Variants in TMEM231 observed in about 807,000 individuals in gnomAD.
The protein encoded by TMEM231 is transmembrane protein 231.
Under a neutral mutation model 38.5 loss-of-function variants are expected in TMEM231, and 40 were observed. The observed-to-expected ratio is 1.04, with a 90% CI of 0.81 to 1.35. The LOEUF is 1.35. TMEM231 is among the 40% of genes most tolerant of loss of function. The pLI is 0.00. For synonymous variants in TMEM231, 199 were observed against 181.7 expected (o/e 1.10, Z -0.77); for missense variants, 420 against 416.9 (o/e 1.01, Z -0.07).
intron 4 of TMEM231, 122 bp from the exon 5 acceptor site, chr16:75,542,805 A>G: frequency 1.4e-6 from 1 of 708,592 alleles, no homozygotes; most frequent in South Asian, 1.8e-5. Context: ...GGCCTACTGC[A>G]GTATCAATAA....
Position 75,541,354 on chromosome 16 carries a change from T to C in TMEM231, c.766A>G (p.Ile256Val), listed in dbSNP as rs1232323806. The C allele has an allele frequency of 6.2e-7, 1 of 1,605,782 alleles. No homozygotes were observed. Among genetic ancestry groups the C allele is most frequent in the East Asian group, 2.2e-5 (1 of 44,512 alleles). Reference protein sequence around the residue: ...NAIIRYPVEVISYQPGFWEMV... With the variant: ...NAIIRYPVEVVSYQPGFWEMV... Reference sequence around the variant, plus strand: ...ACTCTTTAACAGAAAGGATATGAAATGACTTCCACAGGGTATCGGATGATA... The same window carrying C: ...ACTCTTTAACAGAAAGGATATGAAACGACTTCCACAGGGTATCGGATGATA... The change falls in exon 6 of 7, where the codon ATT (isoleucine) becomes GTT (valine). Residue 256 changes from isoleucine (I) to valine (V), a missense_variant. Physicochemically the swap from Ile to Val is conservative, Grantham distance 29. Coordinates refer to ENST00000258173, the MANE Select transcript of TMEM231 (RefSeq NM_001077418.3).
intron 2 of TMEM231, among the ~76,000 whole-genome samples, chr16:75,550,597 C>A (rs529549031): frequency 5.9e-5 from 9 of 152,266 alleles, no homozygotes; most frequent in African/African-American, 1.9e-4. Flanking sequence ...GCCATTGTTT[C>A]CAGAGTATCC....
intron 4 of TMEM231, among the ~76,000 whole-genome samples, chr16:75,544,812 T>C (rs889988943): frequency 3.9e-5 from 6 of 152,132 alleles, no homozygotes; most frequent in Non-Finnish European, 8.8e-5. Flanking sequence ...AACACAGATT[T>C]TGTTTCTCTT....
chr16:75,541,908 C>G (rs2738818), intron 5 of TMEM231: 37,965 of 152,966 alleles, frequency 0.25, 4,854 homozygotes, highest in Middle Eastern at 0.32. Flanking sequence ...ATGTTTTCTA[C>G]TTTTGTTTTA....
At chr16:75,548,007 G>A (rs1389214346) in intron 2 of TMEM231, among the ~76,000 whole-genome samples, 1 of 152,046 alleles carries the variant, frequency 6.6e-6, no homozygotes, top group African/African-American at 2.4e-5. Flanking sequence ...TGTGGGAGGG[G>A]GAAAAGCTCA....
chr16:75,545,536 G>A, intron 3 of TMEM231, 41 bp from the exon 4 acceptor site: 1 of 1,401,154 alleles, frequency 7.1e-7, no homozygotes, highest in Non-Finnish European at 9.6e-7. Context: ...ACCGCCATCA[G>A]ATCTGAAGGG....
At position 75,545,377 on chromosome 16, in the gene TMEM231, C is replaced by A. The variant is rs1280264089; in HGVS notation, c.557G>T (p.Cys186Phe). 6.2e-7 allele frequency: 1 copy of A among 1,612,792 alleles called. No homozygotes were observed. Among genetic ancestry groups the A allele is most frequent in the African/African-American group, 1.3e-5 (1 of 74,886 alleles). Reference protein sequence around the residue: ...LRLQQKQPLSCGGLDARYNIS... With the variant: ...LRLQQKQPLSFGGLDARYNIS... ...GTTGTATCGGGCATCTAGGCCACCA[C>A]AGCTCAGCGGCTGCTTCTGCTGCAG... The change falls in exon 4 of 7, where the codon TGT becomes TTT. Residue 186 changes from cysteine to phenylalanine, a missense_variant. Cys to Phe is a radical substitution (Grantham distance 205). Coordinates refer to ENST00000258173, the MANE Select transcript of TMEM231 (RefSeq NM_001077418.3).
intron 5 of TMEM231, among the ~76,000 whole-genome samples, chr16:75,542,366 G>T (rs1219171581): frequency 6.6e-6 from 1 of 151,814 alleles, no homozygotes; most frequent in East Asian, 1.9e-4. Context: ...GATAATGATG[G>T]CATTTAACCA....
chr16:75,550,718 T>A (rs2080749674), intron 2 of TMEM231, among the ~76,000 whole-genome samples: 1 of 76,114 alleles, frequency 1.3e-5, no homozygotes, highest in Non-Finnish European at 2.6e-5. Context: ...AGTCGTATTC[T>A]TTTTTTTTTT....
intron 2 of TMEM231, among the ~76,000 whole-genome samples, chr16:75,548,655 G>A (rs568645376): frequency 5.6e-4 from 85 of 152,280 alleles, no homozygotes; most frequent in African/African-American, 2.0e-3. Context: ...GATTGCTTGG[G>A]CTCAGGAGTT....
intron 5 of TMEM231, 28 bp downstream of exon 5, chr16:75,542,574 G>A (rs370067925): frequency 1.9e-5 from 30 of 1,600,378 alleles, no homozygotes; most frequent in Admixed American, 1.5e-4. Context: ...CCTGAGCAGC[G>A]GCTGAATGGG....
rs1442638461 is a variant in TMEM231 at position 75,545,891 on chromosome 16, G to C, written c.373C>G (p.Pro125Ala). 287 of 1,486,618 alleles carry C rather than the reference G, an allele frequency of 1.9e-4. No homozygotes were observed. Among genetic ancestry groups the C allele is most frequent in the Non-Finnish European group, 2.4e-4 (266 of 1,113,132 alleles). 92.1% of individuals were successfully genotyped at this position (1,486,618 alleles called of 1,614,324 possible). Residue 125 changes from proline to alanine, a missense_variant, in exon 3 of 7, where the codon CCC becomes GCC. Pro to Ala is a conservative substitution (Grantham distance 27). Coordinates refer to ENST00000258173, the MANE Select transcript of TMEM231 (RefSeq NM_001077418.3). The part of the protein sequence containing the change: ...TDMLHFKLEL[P>A]LQSTEHVLGV... ...AGAACGTGCTCCGTGGACTGCAGGG[G>C]AAGCTCCAGCTTAAAATGTAACATG... is the stretch of plus-strand genomic sequence containing the variant.
At chr16:75,549,255 T>G (rs535575070) in intron 2 of TMEM231, among the ~76,000 whole-genome samples, 1 of 152,346 alleles carries the variant, frequency 6.6e-6, no homozygotes, top group Admixed American at 6.5e-5. Flanking sequence ...GTTTAACATA[T>G]GTGCAATAGC....
At chr16:75,549,708 A>AT (rs1262834484) in intron 2 of TMEM231, among the ~76,000 whole-genome samples, 1 of 151,544 alleles carries the variant, frequency 6.6e-6, no homozygotes, top group Non-Finnish European at 1.5e-5. Context: ...GTCAGAGGGA[A>AT]TTTTTTTGTT....
In TMEM231 at chr16:75,545,403, C is replaced by A; in HGVS notation, c.531G>T (p.Arg177Ser). The A allele has an allele frequency of 1.2e-6, 2 of 1,612,226 alleles. No individual in the cohort carries two copies. Among genetic ancestry groups the A allele is most frequent in the Non-Finnish European group, 1.7e-6 (2 of 1,179,074 alleles). Residue 177 changes from arginine (R) to serine (S), a missense_variant, in exon 4 of 7, where the codon AGG (arginine) becomes AGT (serine). Arg to Ser is a moderately radical substitution (Grantham distance 110). Transcript: ENST00000258173. ...AGCTCAGCGGCTGCTTCTGCTGCAG[C>A]CTCAGGTCTCCGTTCACGTATAACT... is the stretch of plus-strand genomic sequence containing the variant. ...GSQLYVNGDL[R>S]LQQKQPLSCG...
At chr16:75,549,454 C>T (rs1426382903) in intron 2 of TMEM231, among the ~76,000 whole-genome samples, 2 of 152,016 alleles carry the variant, frequency 1.3e-5, no homozygotes, top group Admixed American at 6.6e-5. Flanking sequence ...TCTGCATATC[C>T]CAGGAGAGAT....
In TMEM231 at chr16:75,553,621, C is replaced by CAA. The variant is rs60225459; in HGVS notation, c.309+2181_309+2182dup. Among the ~76,000 whole-genome samples, 176 of 91,582 alleles carry CAA rather than the reference C, an allele frequency of 1.9e-3. 1 individual carries two copies. The highest frequency in any genetic ancestry group is 8.7e-3 in the East Asian group (28 of 3,232). 60.1% of individuals were successfully genotyped at this position (91,582 alleles called of 152,430 possible). On this transcript the variant is annotated intron_variant, in intron 2 of 6. Transcript: ENST00000258173. ...TGGCTGACAGAGTGAAACTCTGTTG[C>CAA]AAAAAAAAAAAAAAAAAAGAAAAGA...
chr16:75,551,877 G>A (rs1488281846), intron 2 of TMEM231, among the ~76,000 whole-genome samples: 1 of 151,388 alleles, frequency 6.6e-6, no homozygotes, highest in Admixed American at 6.6e-5. Flanking sequence ...CAGGAGAATC[G>A]CTTGAACCCA....
At chr16:75,544,698 T>A (rs2151701778) in intron 4 of TMEM231, among the ~76,000 whole-genome samples, 1 of 152,322 alleles carries the variant, frequency 6.6e-6, no homozygotes, top group African/African-American at 2.4e-5. Context: ...ACAGTGTCCT[T>A]CGGAGTACAT....
Sources: allele counts gnomAD v4.1 joint callset (sites outside exome capture counted in the v4.1 genomes callset), GRCh38; gene constraint gnomAD v4.1.1; transcripts MANE v1.5; gene names NCBI Gene and HGNC (gene_info 2026-07-23, HGNC 2026-07-21).